Variants in BCL2L1 observed in about 807,000 individuals in gnomAD.
The protein encoded by BCL2L1 is bcl-2-like protein 1.
In BCL2L1, 1 loss-of-function variant was observed where a neutral mutation model predicts 18.7. The ratio of observed to expected loss-of-function variants is 0.05; its 90% CI spans 0.02 to 0.25. The LOEUF is 0.25. Ranked by LOEUF, BCL2L1 falls within the 10% of genes least tolerant of loss-of-function variation. The pLI is 1.00. For missense variants in BCL2L1, 207 were observed against 304.9 expected (o/e 0.68, Z 2.39); for synonymous variants, 103 against 122.7 (o/e 0.84, Z 1.06).
upstream of BCL2L1, chr20:31,723,748 G>A (rs191450532): frequency 3.2e-3 from 3,140 of 985,414 alleles, 7 homozygotes; most frequent in Non-Finnish European, 3.6e-3. Context: ...CGAGCCCCGC[G>A]AGCCGTGGGG....
intron 2 of BCL2L1, chr20:31,720,972 C>A (rs1466094130): frequency 1.5e-5 from 15 of 985,288 alleles, no homozygotes; most frequent in Non-Finnish European, 1.8e-5. Flanking sequence ...AGCAAGTGCT[C>A]CACAAACAAG....
intron 2 of BCL2L1, among the ~76,000 whole-genome samples, chr20:31,686,679 G>A (rs1049106443): frequency 2.6e-5 from 4 of 152,116 alleles, no homozygotes; most frequent in African/African-American, 9.7e-5. Context: ...CACCCAGCAT[G>A]ATACCCACAG....
intron 2 of BCL2L1, among the ~76,000 whole-genome samples, chr20:31,693,105 T>C (rs1264048763): frequency 2.2e-5 from 3 of 136,680 alleles, no homozygotes; most frequent in Non-Finnish European, 3.1e-5. Flanking sequence ...AAAAAAAGCA[T>C]GTAGAAGAAT....
intron 2 of BCL2L1, among the ~76,000 whole-genome samples, chr20:31,687,671 T>C (rs1365152698): frequency 8.0e-6 from 1 of 124,358 alleles, no homozygotes; most frequent in Non-Finnish European, 1.6e-5. Context: ...AAAGAGACTC[T>C]GTCTCAAAAA....
At chr20:31,688,772 T>C (rs1345098637) in intron 2 of BCL2L1, among the ~76,000 whole-genome samples, 1 of 152,210 alleles carries the variant, frequency 6.6e-6, no homozygotes, top group Admixed American at 6.5e-5. Flanking sequence ...AAAAAATGTG[T>C]CTACCAATGG....
At chr20:31,692,586 C>A (rs1018311178) in intron 2 of BCL2L1, among the ~76,000 whole-genome samples, 1 of 151,812 alleles carries the variant, frequency 6.6e-6, no homozygotes, top group African/African-American at 2.4e-5. Flanking sequence ...CCAGCCTGGC[C>A]AATGTGGTGA....
intron 2 of BCL2L1, among the ~76,000 whole-genome samples, chr20:31,678,577 T>G (rs974257779): frequency 2.6e-5 from 4 of 152,142 alleles, no homozygotes; most frequent in African/African-American, 9.7e-5. Context: ...CATTCTGAAG[T>G]AGGAGAACTT....
intron 2 of BCL2L1, among the ~76,000 whole-genome samples, chr20:31,674,919 T>G (rs2060734880): frequency 6.7e-6 from 1 of 150,200 alleles, no homozygotes; most frequent in South Asian, 2.1e-4. Flanking sequence ...AGCCCCAGTA[T>G]GTTTGGCAGC....
chr20:31,697,892 G>GTTTTTTTTTGTTTGTTTGTTTGTTTT (rs1555871506), intron 2 of BCL2L1, among the ~76,000 whole-genome samples: 2 of 129,640 alleles, frequency 1.5e-5, no homozygotes, highest in Non-Finnish European at 3.2e-5. Context: ...TGCTGTTGCT[G>GTTTTTTTTTGTTTGTTTGTTTGTTTT]TTTTTTTTTT....
At chr20:31,706,305 C>G (rs2061367700) in intron 2 of BCL2L1, among the ~76,000 whole-genome samples, 1 of 152,194 alleles carries the variant, frequency 6.6e-6, no homozygotes, top group South Asian at 2.1e-4. Flanking sequence ...TATTCAGAGT[C>G]TGGCCTTGCC....
chr20:31,688,230 A>C (rs1275416096), intron 2 of BCL2L1, among the ~76,000 whole-genome samples: 1 of 152,022 alleles, frequency 6.6e-6, no homozygotes, highest in Non-Finnish European at 1.5e-5. Flanking sequence ...GATCACCTGA[A>C]GTCTGGAGTT....
intron 2 of BCL2L1, among the ~76,000 whole-genome samples, chr20:31,696,715 C>A (rs997542342): frequency 2.0e-5 from 3 of 152,122 alleles, no homozygotes; most frequent in Admixed American, 1.3e-4. Context: ...GAGTTAGAGA[C>A]CAGTCTGGAC....
chr20:31,703,932 G>A (rs2061328555), intron 2 of BCL2L1, among the ~76,000 whole-genome samples: 1 of 150,158 alleles, frequency 6.7e-6, no homozygotes, highest in Non-Finnish European at 1.5e-5. Context: ...CAAGTAGCCG[G>A]GACTATAGGC....
At chr20:31,720,886 AC>A (rs1353402557) in intron 2 of BCL2L1, 1 of 985,290 alleles carries the variant, frequency 1.0e-6, no homozygotes, top group Non-Finnish European at 1.2e-6. Context: ...CCGGAAAGTA[AC>A]AGGCAGAGCA....
rs528394349 is a variant in BCL2L1 at position 31,718,865 on chromosome 20, T to C, written c.564+2790A>G. 3.3e-4 allele frequency among the ~76,000 whole-genome samples: 50 copies of C among 152,278 alleles called. No individual in the cohort carries two copies. The South Asian group carries it at 6.2e-3, about 19-fold the overall frequency. On this transcript the variant is annotated intron_variant, in intron 2 of 2. Transcript: ENST00000307677. ...TCCAGAGTGAGCACCTTCACAGGCA[T>C]GGTTTGCTTGGCCCAACAGCATCTC...
chr20:31,705,318 T>C (rs1286685877), intron 2 of BCL2L1, among the ~76,000 whole-genome samples: 1 of 152,234 alleles, frequency 6.6e-6, no homozygotes, highest in Non-Finnish European at 1.5e-5. Flanking sequence ...TTACATACAT[T>C]CTTACAAAAG....
intron 2 of BCL2L1, among the ~76,000 whole-genome samples, chr20:31,667,799 A>G (rs2060610183): frequency 6.6e-6 from 1 of 152,056 alleles, no homozygotes; most frequent in African/African-American, 2.4e-5. Context: ...GGGCAGCATC[A>G]TTTATTTTTG....
chr20:31,693,643 G>A (rs367619783), intron 2 of BCL2L1, among the ~76,000 whole-genome samples: 12 of 152,172 alleles, frequency 7.9e-5, no homozygotes, highest in African/African-American at 2.2e-4. Context: ...GGTGATCCCC[G>A]ACTCAACCTT....
chr20:31,705,492 T>A (rs1231866980), intron 2 of BCL2L1, among the ~76,000 whole-genome samples: 1 of 152,148 alleles, frequency 6.6e-6, no homozygotes, highest in Non-Finnish European at 1.5e-5. Flanking sequence ...CCAGAGCCCA[T>A]ACTTCCAATT....
Sources: allele counts gnomAD v4.1 joint callset (sites outside exome capture counted in the v4.1 genomes callset), GRCh38; gene constraint gnomAD v4.1.1; transcripts MANE v1.5; gene names NCBI Gene and HGNC (gene_info 2026-07-23, HGNC 2026-07-21).